The following CFDP1 variants were observed in gnomAD, a reference collection of about 807,000 sequenced individuals.
CFDP1 encodes chromatin remodeling protein CFDP1.
CFDP1 carries 31 observed loss-of-function variants against 40.1 expected under a neutral mutation model. The observed-to-expected ratio is 0.77, with a 90% confidence interval of 0.58 to 1.04. The LOEUF (loss-of-function observed/expected upper bound fraction) is 1.04. Among genes scored for constraint, CFDP1 ranks in the 50% least tolerant of loss-of-function variants. CFDP1 has a pLI of 0.00. For missense variants in CFDP1, 423 were observed against 343.4 expected, an observed-to-expected ratio of 1.23 and a Z score of -1.83; for synonymous variants, 167 against 120.0, an observed-to-expected ratio of 1.39 and a Z score of -2.56.
intron 5 of CFDP1, among the ~76,000 whole-genome samples, chr16:75,357,371 C>CA (rs1488969724): frequency 2.6e-5 from 4 of 152,150 alleles, no homozygotes; most frequent in African/African-American, 7.2e-5. Context: ...TCTCCTACCT[C>CA]AGCCTCCTGA....
chr16:75,307,581 C>A (rs1383864680), intron 5 of CFDP1, among the ~76,000 whole-genome samples: 1 of 152,100 alleles, frequency 6.6e-6, no homozygotes, highest in Non-Finnish European at 1.5e-5. Flanking sequence ...TTTTTAGAGA[C>A]AGGTTCTCAC....
intron 1 of CFDP1, chr16:75,419,056 T>C (rs1315488755): frequency 7.2e-6 from 3 of 418,990 alleles, no homozygotes; most frequent in African/African-American, 2.0e-5. Flanking sequence ...GGCAGGAGGA[T>C]CACTTGAGCC....
intron 5 of CFDP1, among the ~76,000 whole-genome samples, chr16:75,347,213 G>A (rs1303920271): frequency 2.6e-5 from 4 of 151,154 alleles, no homozygotes; most frequent in Non-Finnish European, 4.4e-5. Context: ...GCATAATGGC[G>A]GGCGCTTGTA....
At chr16:75,376,937 A>T (rs2078804050) in intron 5 of CFDP1, among the ~76,000 whole-genome samples, 1 of 152,242 alleles carries the variant, frequency 6.6e-6, no homozygotes, top group Non-Finnish European at 1.5e-5. Flanking sequence ...AGTAGATATA[A>T]ATATGACTGC....
At chr16:75,294,954 C>CT (rs2078172142) in intron 6 of CFDP1, among the ~76,000 whole-genome samples, 2 of 152,216 alleles carry the variant, frequency 1.3e-5, no homozygotes, top group Non-Finnish European at 2.9e-5. Context: ...AATGCACCTC[C>CT]TCACCATAAA....
At chr16:75,405,217 G>A (rs913018117) in intron 4 of CFDP1, among the ~76,000 whole-genome samples, 4 of 152,184 alleles carry the variant, frequency 2.6e-5, no homozygotes, top group African/African-American at 9.6e-5. Flanking sequence ...TACAATGTGT[G>A]TGATACTTCA....
At chr16:75,370,188 G>T (rs1433351643) in intron 5 of CFDP1, among the ~76,000 whole-genome samples, 3 of 151,814 alleles carry the variant, frequency 2.0e-5, no homozygotes, top group African/African-American at 7.3e-5. Context: ...TGCCTCCCAG[G>T]TTCAAGTGAT....
chr16:75,316,696 G>A (rs779256753), intron 5 of CFDP1, among the ~76,000 whole-genome samples: 8 of 151,996 alleles, frequency 5.3e-5, no homozygotes, highest in Non-Finnish European at 1.0e-4. Flanking sequence ...GAGGCCGGGC[G>A]CGGTGGCTCA....
intron 5 of CFDP1, among the ~76,000 whole-genome samples, chr16:75,340,533 G>C (rs2078519689): frequency 6.6e-6 from 1 of 152,062 alleles, no homozygotes; most frequent in Non-Finnish European, 1.5e-5. Flanking sequence ...AGAGTGAGTA[G>C]GAAAATTCTT....
intron 5 of CFDP1, among the ~76,000 whole-genome samples, chr16:75,323,748 C>T (rs1023228628): frequency 3.4e-5 from 5 of 147,742 alleles, no homozygotes; most frequent in African/African-American, 1.0e-4. Flanking sequence ...CATTGCACTC[C>T]AGCCTGGGCA....
intron 4 of CFDP1, 116 bp downstream of exon 4, chr16:75,411,709 A>G: frequency 9.1e-7 from 1 of 1,096,184 alleles, no homozygotes; most frequent in Non-Finnish European, 1.3e-6. Flanking sequence ...GAGTTCAAGT[A>G]TAACTCTCCC....
chr16:75,341,552 G>A (rs2078527068), intron 5 of CFDP1, among the ~76,000 whole-genome samples: 1 of 151,978 alleles, frequency 6.6e-6, no homozygotes, highest in Non-Finnish European at 1.5e-5. Flanking sequence ...AACTTCAAGG[G>A]AACCCTCTCA....
chr16:75,433,160 G>C (rs2079445287), intron 1 of CFDP1, 129 bp downstream of exon 1: 1 of 806,950 alleles, frequency 1.2e-6, no homozygotes, highest in Non-Finnish European at 1.9e-6. Context: ...CTGAGGGAGC[G>C]GACGCTCGAG....
intron 4 of CFDP1, among the ~76,000 whole-genome samples, chr16:75,407,032 C>T (rs2079106534): frequency 2.0e-5 from 3 of 152,066 alleles, no homozygotes; most frequent in Non-Finnish European, 2.9e-5. Flanking sequence ...AACAAATAAA[C>T]AAGCAAACAA....
At chr16:75,311,512 A>C (rs1278391627) in intron 5 of CFDP1, among the ~76,000 whole-genome samples, 1 of 152,154 alleles carries the variant, frequency 6.6e-6, no homozygotes, top group Non-Finnish European at 1.5e-5. Flanking sequence ...TCATAACAAA[A>C]TATTCAACAC....
Position 75,384,852 on chromosome 16 carries a change from C to CTATATATA in CFDP1, c.650+10230_650+10237dup, listed in dbSNP as rs59681577. Among the ~76,000 whole-genome samples the CTATATATA allele has an allele frequency of 1.5e-3, 175 of 119,862 alleles. 3 individuals carry two copies. Among genetic ancestry groups the CTATATATA allele is most frequent in the East Asian group, 2.7e-3 (11 of 4,010 alleles). 78.6% of individuals were successfully genotyped at this position (119,862 alleles called of 152,430 possible). On this transcript the variant is annotated intron_variant, in intron 5 of 6. Transcript: ENST00000283882. Reference sequence around the variant, plus strand: ...TACAAGTTGCAAGAAGAAACTAAAACTATATATATATATATATATATATAT... The same window carrying CTATATATA: ...TACAAGTTGCAAGAAGAAACTAAAACTATATATATATATATATATATATATATATATAT...
chr16:75,329,600 C>A (rs187274082), intron 5 of CFDP1, among the ~76,000 whole-genome samples: 373 of 152,296 alleles, frequency 2.4e-3, no homozygotes, highest in Non-Finnish European at 4.2e-3. Context: ...TCAAGCAATC[C>A]TCCTGCCTCA....
At chr16:75,379,319 G>C (rs890958954) in intron 5 of CFDP1, among the ~76,000 whole-genome samples, 1 of 146,708 alleles carries the variant, frequency 6.8e-6, no homozygotes, top group Non-Finnish European at 1.5e-5. Flanking sequence ...ATCGACAAAC[G>C]TCTAGCAAGA....
chr16:75,307,269 G>A (rs150420734), intron 5 of CFDP1, among the ~76,000 whole-genome samples: 1,554 of 152,014 alleles, frequency 0.01, 30 homozygotes, highest in African/African-American at 0.036. Flanking sequence ...AGGCTGGAGT[G>A]CAGATGCGTG....
Sources: allele counts gnomAD v4.1 joint callset (sites outside exome capture counted in the v4.1 genomes callset), GRCh38; gene constraint gnomAD v4.1.1; transcripts MANE v1.5; gene names NCBI Gene and HGNC (gene_info 2026-07-23, HGNC 2026-07-21).